The following NCOA3 variants were observed in gnomAD, a reference collection of about 807,000 sequenced individuals.
The protein encoded by NCOA3 is CBP-interacting protein.
A neutral mutation model predicts 158.8 loss-of-function variants in NCOA3; 51 were observed. The observed-to-expected ratio is 0.32, with a 90% CI of 0.26 to 0.41. The LOEUF is 0.41. Ranked by LOEUF, NCOA3 falls within the 10% of genes least tolerant of loss-of-function variation. The probability of loss-of-function intolerance (pLI) is 1.00; values close to 1 mark genes in which losing one functional copy is unlikely to be tolerated. For synonymous variants in NCOA3, 537 were observed against 592.4 expected (o/e 0.91, Z 1.36); for missense variants, 1,510 against 1,746.6 (o/e 0.86, Z 2.41).
intron 1 of NCOA3, among the ~76,000 whole-genome samples, chr20:47,532,110 T>TTGTGTGTGTGTGTG (rs11474538): frequency 0.068 from 10,055 of 147,422 alleles, 389 homozygotes; most frequent in Middle Eastern, 0.1. Context: ...AGGGGGGGAC[T>TTGTGTGTGTGTGTG]TGTGTGTGTG....
chr20:47,549,317 T>A (rs146597857), intron 1 of NCOA3, among the ~76,000 whole-genome samples: 2,441 of 150,882 alleles, frequency 0.016, 66 homozygotes, highest in African/African-American at 0.056. Flanking sequence ...AGCCCAGGAG[T>A]TTGAGGCCAG....
intron 6 of NCOA3, 36 bp downstream of exon 6, chr20:47,627,212 ATT>A: frequency 6.7e-7 from 1 of 1,491,664 alleles, no homozygotes. Flanking sequence ...AATAGGTTAA[ATT>A]TTTTTCCTTG....
Position 47,651,140 on chromosome 20 carries a change from A to ACAGCAG in NCOA3, c.3813_3818dup (p.Gln1275_Gln1276dup), listed in dbSNP as rs772979098. ...AGCAGCAACAGCAACAGCAACAGCA[A>ACAGCAG]CAGCAGCAACAGCAGCAAACCCAGG... On this transcript the variant is annotated inframe_insertion, in exon 20 of 23. Transcript: ENST00000371998. 3 of 1,610,604 alleles carry ACAGCAG rather than the reference A, an allele frequency of 1.9e-6. No individual in the cohort carries two copies. The highest frequency in any genetic ancestry group is 2.5e-6 in the Non-Finnish European group (3 of 1,177,410).
In NCOA3 at chr20:47,568,608, T is replaced by C. The variant is rs116768903; in HGVS notation, c.-98-14575T>C. On this transcript the variant is annotated intron_variant, in intron 1 of 22. Coordinates refer to ENST00000371998, the MANE Select transcript of NCOA3 (RefSeq NM_181659.3). ...CTCCATGAGACCAGCGTGGGCAACATGGCAAGATTCCATCTCTACCAAAAC... is the reference window on the plus strand; with the variant it reads ...CTCCATGAGACCAGCGTGGGCAACACGGCAAGATTCCATCTCTACCAAAAC... Among the ~76,000 whole-genome samples the C allele has an allele frequency of 5.0e-3, 763 of 152,192 alleles. 5 individuals carry two copies. The highest frequency in any genetic ancestry group is 0.017 in the African/African-American group (713 of 41,538).
chr20:47,639,718 C>T lies in NCOA3; in HGVS notation c.2849C>T (p.Pro950Leu). The change falls in exon 15 of 23, where the codon CCC becomes CTC. Residue 950 changes from proline (P) to leucine (L), a missense_variant. Physicochemically the swap from Pro to Leu is moderately conservative, Grantham distance 98. Transcript: ENST00000371998. ...RPGGDYNTSL[P>L]RPALGGSIPT... ...GGAGGAGATTATAATACTTCTTTAC[C>T]CAGACCTGCACTGGGTGGCTCTATT... 1.9e-6 allele frequency: 3 copies of T among 1,614,060 alleles called. No individual in the cohort carries two copies. Among genetic ancestry groups the T allele is most frequent in the Non-Finnish European group, 2.5e-6 (3 of 1,180,030 alleles).
intron 1 of NCOA3, among the ~76,000 whole-genome samples, chr20:47,505,606 A>G (rs991927801): frequency 6.6e-6 from 1 of 152,118 alleles, no homozygotes; most frequent in Non-Finnish European, 1.5e-5. Context: ...TATCCTTGGT[A>G]TAAATATTTG....
Position 47,586,380 on chromosome 20 carries a change from AACAC to A in NCOA3, c.-20+3127_-20+3130del, listed in dbSNP as rs368142307. On this transcript the variant is annotated intron_variant, in intron 2 of 22. Transcript: ENST00000371998. The stretch of plus-strand genomic sequence containing the variant: ...TCTTTTCTCTTTTTCTACCCACGTA[AACAC>A]ACACACAATTTTTTTTTTTAACCAT... Among the ~76,000 whole-genome samples, 580 of 152,144 alleles carry A rather than the reference AACAC, an allele frequency of 3.8e-3. 7 individuals are homozygous for A. Among genetic ancestry groups the A allele is most frequent in the African/African-American group, 0.014 (562 of 41,506 alleles).
chr20:47,639,726 G>A lies in NCOA3; in HGVS notation c.2857G>A (p.Ala953Thr), dbSNP rs757035672. Reference protein sequence around the residue: ...GDYNTSLPRPALGGSIPTLPL... With the variant: ...GDYNTSLPRPTLGGSIPTLPL... ...TTATAATACTTCTTTACCCAGACCT[G>A]CACTGGGTGGCTCTATTCCCACATT... Residue 953 changes from alanine (A) to threonine (T), a missense_variant, in exon 15 of 23, where the codon GCA becomes ACA. Physicochemically the swap from Ala to Thr is moderately conservative, Grantham distance 58. This residue lies in a region of NCOA3 where 1,017 missense variants were observed against 1,098.3 expected (regional missense o/e 0.93). Coordinates refer to ENST00000371998, the MANE Select transcript of NCOA3 (RefSeq NM_181659.3). 2 of 1,614,036 alleles carry A rather than the reference G, an allele frequency of 1.2e-6. No individual in the cohort carries two copies. Among genetic ancestry groups the A allele is most frequent in the African/African-American group, 1.3e-5 (1 of 74,912 alleles).
chr20:47,596,076 C>G (rs2085750767), intron 2 of NCOA3, among the ~76,000 whole-genome samples: 2 of 152,174 alleles, frequency 1.3e-5, no homozygotes, highest in Non-Finnish European at 1.5e-5. Context: ...TGAACCCACT[C>G]CTTGAACTGA....
chr20:47,504,777 C>T (rs1212857587), intron 1 of NCOA3, among the ~76,000 whole-genome samples: 3 of 149,844 alleles, frequency 2.0e-5, no homozygotes, highest in African/African-American at 7.4e-5. Context: ...GCACTCCAGC[C>T]TGGGCAACAG....
chr20:47,560,451 T>G (rs1434821877), intron 1 of NCOA3, among the ~76,000 whole-genome samples: 1 of 152,128 alleles, frequency 6.6e-6, no homozygotes, highest in African/African-American at 2.4e-5. Context: ...TAAGTTAGGT[T>G]TTAGCTTTGT....
intron 20 of NCOA3, 105 bp from the exon 21 acceptor site, chr20:47,652,301 C>T: frequency 1.1e-6 from 1 of 897,752 alleles, no homozygotes; most frequent in Non-Finnish European, 1.7e-6. Flanking sequence ...TCACTTCCCT[C>T]CACCCCCACC....
intron 1 of NCOA3, among the ~76,000 whole-genome samples, chr20:47,549,377 A>AT (rs3091466): frequency 6.6e-6 from 1 of 151,422 alleles, no homozygotes; most frequent in African/African-American, 2.4e-5. Flanking sequence ...AAAAAAAAAA[A>AT]TTAGCTGGGC....
intron 2 of NCOA3, among the ~76,000 whole-genome samples, chr20:47,613,595 C>T (rs2086078741): frequency 6.6e-6 from 1 of 151,300 alleles, no homozygotes; most frequent in Non-Finnish European, 1.5e-5. Flanking sequence ...CCCTCTCTGA[C>T]AGAGGATGAG....
chr20:47,574,138 T>TA (rs2085337899), intron 1 of NCOA3, among the ~76,000 whole-genome samples: 1 of 152,064 alleles, frequency 6.6e-6, no homozygotes, highest in Admixed American at 6.6e-5. Context: ...ATAGACAAGA[T>TA]AAAAAGGCCA....
Position 47,635,983 on chromosome 20 carries a change from G to T in NCOA3, c.1597G>T (p.Val533Leu). ...TGCCCTGCAAGCCATCAGTGAAGGTGTGGGGACTTCCCTTTTATCTACTCT... is the reference window on the plus strand; with the variant it reads ...TGCCCTGCAAGCCATCAGTGAAGGTTTGGGGACTTCCCTTTTATCTACTCT... ...LSALQAISEG[V>L]GTSLLSTLSS... The change falls in exon 12 of 23, where the codon GTG becomes TTG. Residue 533 changes from valine (V) to leucine (L), a missense_variant. By Grantham distance (32) the Val-to-Leu change is conservative. Transcript: ENST00000371998. The T allele has an allele frequency of 6.2e-7, 1 of 1,614,110 alleles. No individual in the cohort carries two copies. Among genetic ancestry groups the T allele is most frequent in the East Asian group, 2.2e-5 (1 of 44,872 alleles).
chr20:47,647,532 A>G (rs547862600), intron 18 of NCOA3, among the ~76,000 whole-genome samples, 166 bp downstream of exon 18: 1 of 152,274 alleles, frequency 6.6e-6, no homozygotes, highest in Admixed American at 6.5e-5. Flanking sequence ...CTTGTTAAGG[A>G]GTAGTTTTAT....
chr20:47,525,990 C>T (rs979768592), intron 1 of NCOA3, among the ~76,000 whole-genome samples: 2 of 151,626 alleles, frequency 1.3e-5, no homozygotes, highest in African/African-American at 4.8e-5. Flanking sequence ...CGGAGACGCT[C>T]CTCACTTCCC....
Position 47,625,580 on chromosome 20 carries a change from C to G in NCOA3, c.357+99C>G, listed in dbSNP as rs572087823. The G allele has an allele frequency of 1.5e-5, 12 of 821,874 alleles. No individual in the cohort carries two copies. The African/African-American group carries it at 2.1e-4, about 14-fold the overall frequency. The allele number at this position is 821,874 out of a possible 1,614,324, so 50.9% of individuals were successfully genotyped here. A position where few individuals can be genotyped will look rare whatever the true frequency, so the allele number is the denominator to read the frequency against. On this transcript the variant is annotated intron_variant, in intron 5 of 22. Coordinates refer to ENST00000371998, the MANE Select transcript of NCOA3 (RefSeq NM_181659.3). ...TGAAATTTTGGTTAGGAAATGAGAA[C>G]AAAAAGAAAACATTTTTTTCTTTGA...
Sources: gnomAD v4.1 joint callset for allele counts (sites outside exome capture counted in the v4.1 genomes callset) on GRCh38, gnomAD v4.1.1 for gene constraint, gnomAD v4.1.1 regional missense constraint, MANE v1.5 for transcripts, NCBI Gene and HGNC (gene_info 2026-07-23, HGNC 2026-07-21) for gene names.